Variants in PHLDB3 observed in about 807,000 individuals in gnomAD.
The protein encoded by PHLDB3 is pleckstrin homology like domain family B member 3.
Under a neutral mutation model 85.7 loss-of-function variants are expected in PHLDB3, and 86 were observed. The ratio of observed to expected loss-of-function variants is 1.00; its 90% CI spans 0.84 to 1.20. PHLDB3 has a LOEUF of 1.20. Among genes scored for constraint, PHLDB3 ranks in the 50% most tolerant of loss-of-function variants. The pLI is 0.00. For missense variants in PHLDB3, 995 were observed against 873.0 expected (o/e 1.14, Z -1.76); for synonymous variants, 376 against 349.8 (o/e 1.07, Z -0.83).
intron 9 of PHLDB3, among the ~76,000 whole-genome samples, chr19:43,492,914 G>A (rs1971354522): frequency 6.6e-6 from 1 of 151,912 alleles, no homozygotes. Context: ...TTATTGTAAA[G>A]TCATTAAAAA....
rs557011288 is a variant in PHLDB3 at position 43,487,490 on chromosome 19, G to A, written c.1150-367C>T. Among the ~76,000 whole-genome samples, 7 of 149,390 alleles carry A rather than the reference G, an allele frequency of 4.7e-5. No individual in the cohort carries two copies. The South Asian group carries it at 6.4e-4, about 14-fold the overall frequency. On this transcript the variant is annotated intron_variant, in intron 9 of 15. Coordinates refer to ENST00000292140, the MANE Select transcript of PHLDB3 (RefSeq NM_198850.4). Reference sequence around the variant, plus strand: ...CTCGGGAGGCTGAGGCAGAAGAATCGCTTGAACCCGGGAGGTGGAGATTGC... The same window carrying A: ...CTCGGGAGGCTGAGGCAGAAGAATCACTTGAACCCGGGAGGTGGAGATTGC...
At chr19:43,482,929 C>T (rs1971077727) in intron 13 of PHLDB3, among the ~76,000 whole-genome samples, 1 of 152,190 alleles carries the variant, frequency 6.6e-6, no homozygotes. Flanking sequence ...TGGCTCTTAT[C>T]AGCCTCTGAC....
intron 13 of PHLDB3, among the ~76,000 whole-genome samples, chr19:43,481,659 T>C (rs1164172720): frequency 6.6e-6 from 1 of 150,410 alleles, no homozygotes; most frequent in East Asian, 1.9e-4. Flanking sequence ...CCAGGCATGG[T>C]GGTGTGTGCC....
At chr19:43,477,744 G>C in intron 15 of PHLDB3, among the ~76,000 whole-genome samples, 1 of 148,214 alleles carries the variant, frequency 6.7e-6, no homozygotes, top group Non-Finnish European at 1.5e-5. Flanking sequence ...GGAGGCGGAG[G>C]TTGCAGTGAG....
rs192871966 is a variant in PHLDB3, at chr19:43,477,677, C to T, written c.1788+370G>A. 9.4e-4 allele frequency among the ~76,000 whole-genome samples: 139 copies of T among 147,758 alleles called. No homozygotes were observed. In the Middle Eastern group the frequency reaches 0.011, roughly 12 times the overall value. ...TAAAAATACAAAAATTAGCCGGGCA[C>T]GGTGCCTGTAATCCCAGCTACTCAG... On this transcript the variant is annotated intron_variant, in intron 15 of 15. Coordinates refer to ENST00000292140, the MANE Select transcript of PHLDB3 (RefSeq NM_198850.4).
chr19:43,479,500 G>A lies in PHLDB3; in HGVS notation c.1579C>T (p.His527Tyr), dbSNP rs1411369834. 4.5e-6 allele frequency: 7 copies of A among 1,557,122 alleles called. No individual in the cohort carries two copies. In the South Asian group the frequency reaches 8.3e-5, roughly 18 times the overall value. The change falls in exon 14 of 16, where the codon CAT becomes TAT. Residue 527 changes from histidine (H) to tyrosine (Y), a missense_variant. Physicochemically the swap from His to Tyr is moderately conservative, Grantham distance 83. Transcript: ENST00000292140. ...CAGCAGCACCCAGACACCTGCACAT[G>A]TGGGCAGTTTTCCGGGTTGTGGCCC... ...GWGHNPENCP[H>Y]VQVSGCCCRG...
Position 43,485,898 on chromosome 19 carries a change from T to C in PHLDB3, c.1485+368A>G, listed in dbSNP as rs952012565. The C allele has an allele frequency of 3.3e-6, 3 of 899,904 alleles. No homozygotes were observed. In the African/African-American group the frequency reaches 5.4e-5, roughly 16 times the overall value. 55.7% of individuals were successfully genotyped at this position (899,904 alleles called of 1,614,324 possible). ...TAAAAGTTCCAGCATGGACTGGGCA[T>C]GGTGGTTCACGCTATAATCCCAGTA... is the stretch of plus-strand genomic sequence containing the variant. On this transcript the variant is annotated intron_variant, in intron 13 of 15. Coordinates refer to ENST00000292140, the MANE Select transcript of PHLDB3 (RefSeq NM_198850.4).
At chr19:43,480,699 C>G (rs1971027341) in intron 13 of PHLDB3, among the ~76,000 whole-genome samples, 1 of 152,194 alleles carries the variant, frequency 6.6e-6, no homozygotes, top group South Asian at 2.1e-4. Flanking sequence ...TCTGCCCCCT[C>G]AAACTCTCCT....
chr19:43,501,307 C>A (rs10413072), intron 4 of PHLDB3, among the ~76,000 whole-genome samples: 4 of 151,416 alleles, frequency 2.6e-5, no homozygotes, highest in Non-Finnish European at 5.9e-5. Flanking sequence ...CCTCAGCCTC[C>A]CAAGTAGCTG....
Position 43,479,580 on chromosome 19 carries a change from GGGGT to G in PHLDB3, c.1495_1498del (p.Thr499HisfsTer41). 3 of 1,499,086 alleles carry G rather than the reference GGGGT, an allele frequency of 2.0e-6. No individual in the cohort carries two copies. Among genetic ancestry groups the G allele is most frequent in the Non-Finnish European group, 2.7e-6 (3 of 1,102,486 alleles). 92.9% of individuals were successfully genotyped at this position (1,499,086 alleles called of 1,614,324 possible). A position where few individuals can be genotyped will look rare whatever the true frequency, so the allele number is the denominator to read the frequency against. On this transcript the variant is annotated frameshift_variant, in exon 14 of 16. Coordinates refer to ENST00000292140, the MANE Select transcript of PHLDB3 (RefSeq NM_198850.4). LOFTEE classifies it high-confidence loss of function. Reference sequence around the variant, plus strand: ...GATTCGCGGGCCTGGAGGGTGGGGTGGGGTGGGTGGGGCCTGGGGAGCAAAGAGA... The same window carrying G: ...GATTCGCGGGCCTGGAGGGTGGGGTGGGGTGGGGCCTGGGGAGCAAAGAGA...
rs781704726 is a variant in PHLDB3, at chr19:43,503,941, C to G, written c.178G>C (p.Gly60Arg). 3.7e-6 allele frequency: 6 copies of G among 1,613,808 alleles called. No homozygotes were observed. The African/African-American group carries it at 6.7e-5, about 18-fold the overall frequency. ...CTGCTCTCAGTGCTGCTGCCTTCTC[C>G]CACTTCTTCTTCCTCTGCCTGCTGC... ...AEQQAEEEEV[G>R]EGSSTESSRD... Residue 60 changes from glycine to arginine, a missense_variant, in exon 2 of 16, where the codon GGA becomes CGA. By Grantham distance (125) the Gly-to-Arg change is moderately radical. Coordinates refer to ENST00000292140, the MANE Select transcript of PHLDB3 (RefSeq NM_198850.4).
At position 43,475,289 on chromosome 19, in the gene PHLDB3, C is replaced by G; in HGVS notation, c.*121G>C. ...GCTGAACTGCCGCGCCTGCGGAATT[C>G]CCGGGAGAGTTCCAAAGCGGTGCGT... On this transcript the variant is annotated 3_prime_UTR_variant, in exon 16 of 16. Coordinates refer to ENST00000292140, the MANE Select transcript of PHLDB3 (RefSeq NM_198850.4). The G allele has an allele frequency of 1.5e-6, 2 of 1,367,422 alleles. No homozygotes were observed. Among genetic ancestry groups the G allele is most frequent in the Middle Eastern group, 5.2e-4 (2 of 3,846 alleles). 84.7% of individuals were successfully genotyped at this position (1,367,422 alleles called of 1,614,324 possible). A position where few individuals can be genotyped will look rare whatever the true frequency, so the allele number is the denominator to read the frequency against.
chr19:43,495,059 G>A (rs1971412820), intron 8 of PHLDB3, among the ~76,000 whole-genome samples, 197 bp downstream of exon 8: 1 of 150,902 alleles, frequency 6.6e-6, no homozygotes, highest in African/African-American at 2.4e-5. Flanking sequence ...GCTGGGGCCT[G>A]GACTCCTGGG....
chr19:43,502,708 G>C (rs1265035508), intron 2 of PHLDB3, among the ~76,000 whole-genome samples: 2 of 146,342 alleles, frequency 1.4e-5, no homozygotes, highest in East Asian at 4.0e-4. Context: ...CTCCCACCTC[G>C]GCCTCCCAAA....
chr19:43,497,538 C>T (rs933783105), intron 5 of PHLDB3, among the ~76,000 whole-genome samples: 1 of 152,042 alleles, frequency 6.6e-6, no homozygotes, highest in African/African-American at 2.4e-5. Flanking sequence ...ATAGTGAAAC[C>T]CCGTCTCTAC....
At chr19:43,499,573 C>T (rs898969341) in intron 4 of PHLDB3, among the ~76,000 whole-genome samples, 3 of 151,966 alleles carry the variant, frequency 2.0e-5, no homozygotes, top group Non-Finnish European at 4.4e-5. Flanking sequence ...AATATGTGAT[C>T]TTTGAGGATA....
intron 15 of PHLDB3, 74 bp from the exon 16 acceptor site, chr19:43,475,618 C>T (rs1336199173): frequency 6.3e-7 from 1 of 1,582,628 alleles, no homozygotes; most frequent in South Asian, 1.1e-5. Context: ...CCCAGCCTTG[C>T]TACTTATAGT....
intron 13 of PHLDB3, among the ~76,000 whole-genome samples, chr19:43,481,396 AT>A (rs1199289734): frequency 6.6e-6 from 1 of 152,204 alleles, no homozygotes; most frequent in Non-Finnish European, 1.5e-5. Flanking sequence ...AGGTGGGGGG[AT>A]CACCTGAGGT....
chr19:43,500,132 G>A (rs1174299822), intron 4 of PHLDB3, among the ~76,000 whole-genome samples: 2 of 152,048 alleles, frequency 1.3e-5, no homozygotes, highest in African/African-American at 4.8e-5. Context: ...CCAGCTACTG[G>A]GGAGGCTAAG....
Sources: allele counts gnomAD v4.1 joint callset (sites outside exome capture counted in the v4.1 genomes callset), GRCh38; gene constraint gnomAD v4.1.1; transcripts MANE v1.5; gene names NCBI Gene and HGNC (gene_info 2026-07-23, HGNC 2026-07-21).